Variants in INPP4B observed in about 807,000 individuals in gnomAD.
The protein encoded by INPP4B is inositol polyphosphate-4-phosphatase type II B, also known as inositol polyphosphate 4-phosphatase type II.
A neutral mutation model predicts 122.5 loss-of-function variants in INPP4B; 55 were observed. The observed-to-expected ratio is 0.45, with a 90% CI of 0.36 to 0.56. The LOEUF (loss-of-function observed/expected upper bound fraction) is 0.56, where lower values mean the gene tolerates loss of function less well. Among genes scored for constraint, INPP4B ranks in the 20% least tolerant of loss-of-function variants. The pLI, the probability that INPP4B is intolerant of heterozygous loss-of-function variation, is 0.00. For missense variants in INPP4B, 1,000 were observed against 1,097.7 expected (o/e 0.91, Z 1.26); for synonymous variants, 403 against 388.7 (o/e 1.04, Z -0.43).
intron 2 of INPP4B, among the ~76,000 whole-genome samples, chr4:142,468,244 T>C (rs985744547): frequency 2.0e-5 from 3 of 152,180 alleles, no homozygotes; most frequent in Non-Finnish European, 4.4e-5. Context: ...ACTATTTGTC[T>C]TTTCCATCTT....
intron 21 of INPP4B, among the ~76,000 whole-genome samples, chr4:142,119,873 T>C (rs1378875315): frequency 3.4e-5 from 5 of 149,112 alleles, no homozygotes; most frequent in African/African-American, 7.5e-5. Context: ...TATATATATA[T>C]ACATATATAC....
In INPP4B at chr4:142,024,556, C is replaced by T. The variant is rs1255579165; in HGVS notation, c.*4226G>A. Reference sequence around the variant, plus strand: ...TTTCCTAAAAGACTACAAATGGTGCCTCATATATTGAACCAAACAAATGAT... The same window carrying T: ...TTTCCTAAAAGACTACAAATGGTGCTTCATATATTGAACCAAACAAATGAT... On this transcript the variant is annotated 3_prime_UTR_variant, in exon 26 of 26. Coordinates refer to ENST00000262992, the MANE Select transcript of INPP4B (RefSeq NM_001101669.3). 2.0e-5 allele frequency: 3 copies of T among 152,024 alleles called. No individual in the cohort carries two copies. Among genetic ancestry groups the T allele is most frequent in the Non-Finnish European group, 4.4e-5 (3 of 67,990 alleles). 9.4% of individuals were successfully genotyped at this position (152,024 alleles called of 1,614,324 possible).
At chr4:142,737,853 A>C (rs1297682982) in intron 1 of INPP4B, among the ~76,000 whole-genome samples, 2 of 152,204 alleles carry the variant, frequency 1.3e-5, no homozygotes. Context: ...AAAACACATG[A>C]AAAAATGCTC....
chr4:142,250,110 T>C (rs1357642174), intron 11 of INPP4B, among the ~76,000 whole-genome samples: 1 of 152,216 alleles, frequency 6.6e-6, no homozygotes, highest in Non-Finnish European at 1.5e-5. Context: ...TATTTCCATG[T>C]AATTAAGGTA....
chr4:142,538,872 G>A (rs531420978), intron 2 of INPP4B, among the ~76,000 whole-genome samples: 24 of 151,290 alleles, frequency 1.6e-4, no homozygotes, highest in African/African-American at 4.6e-4. Context: ...TTGCCAATGC[G>A]GTAAAAAAGA....
intron 2 of INPP4B, among the ~76,000 whole-genome samples, chr4:142,466,631 A>T (rs1238374077): frequency 6.6e-6 from 1 of 152,214 alleles, no homozygotes; most frequent in Non-Finnish European, 1.5e-5. Flanking sequence ...CTGCAGAGCA[A>T]CTACTTGCTA....
At chr4:142,061,881 CACACATATATAT>C (rs1180195423) in intron 25 of INPP4B, among the ~76,000 whole-genome samples, 2 of 8,100 alleles carry the variant, frequency 2.5e-4, no homozygotes, top group African/African-American at 4.3e-4. Flanking sequence ...CACACACACA[CACACATATATAT>C]ATATATATAT....
intron 2 of INPP4B, among the ~76,000 whole-genome samples, chr4:142,626,717 T>G (rs1746500823): frequency 6.6e-6 from 1 of 151,924 alleles, no homozygotes; most frequent in Admixed American, 6.6e-5. Context: ...TGTAAGAATT[T>G]GCTACCCAAT....
intron 23 of INPP4B, among the ~76,000 whole-genome samples, chr4:142,101,905 T>C (rs1421767759): frequency 3.3e-5 from 5 of 152,094 alleles, no homozygotes; most frequent in African/African-American, 1.2e-4. Context: ...ACATATTCAA[T>C]GGCTATTTGG....
At chr4:142,286,126 G>A (rs1283869415) in intron 9 of INPP4B, among the ~76,000 whole-genome samples, 1 of 152,136 alleles carries the variant, frequency 6.6e-6, no homozygotes, top group South Asian at 2.1e-4. Context: ...TCAGCTACGT[G>A]GAAACAGTAT....
intron 7 of INPP4B, among the ~76,000 whole-genome samples, chr4:142,379,895 C>T (rs986560234): frequency 6.6e-6 from 1 of 152,198 alleles, no homozygotes; most frequent in Non-Finnish European, 1.5e-5. Flanking sequence ...GCCAGGAATG[C>T]TACTGTGTAG....
rs139981034 is a variant in INPP4B at position 142,472,426 on chromosome 4, A to C, written c.-190-9700T>G. On this transcript the variant is annotated intron_variant, in intron 2 of 25. Transcript: ENST00000262992. ...TGTCATTGTCAGTGATACCGAACCC[A>C]GTAAGTACTATCTCTGGAAGAAAAG... is the stretch of plus-strand genomic sequence containing the variant. Among the ~76,000 whole-genome samples the C allele has an allele frequency of 7.4e-3, 1,126 of 152,230 alleles. 9 individuals carry two copies. The highest frequency in any genetic ancestry group is 0.011 in the Non-Finnish European group (730 of 68,002).
intron 2 of INPP4B, among the ~76,000 whole-genome samples, chr4:142,642,651 T>C (rs1487997481): frequency 6.6e-6 from 1 of 152,344 alleles, no homozygotes; most frequent in Admixed American, 6.5e-5. Flanking sequence ...ACCAGTACCA[T>C]GCTGTTTTGG....
intron 1 of INPP4B, among the ~76,000 whole-genome samples, chr4:142,817,871 A>C (rs182735861): frequency 6.6e-6 from 1 of 152,316 alleles, no homozygotes; most frequent in East Asian, 1.9e-4. Context: ...GGAAACCAAA[A>C]TAACAATAAA....
At chr4:142,499,816 TA>T (rs1823126376) in intron 2 of INPP4B, among the ~76,000 whole-genome samples, 1 of 152,244 alleles carries the variant, frequency 6.6e-6, no homozygotes, top group Admixed American at 6.5e-5. Flanking sequence ...AGAAATTATT[TA>T]AAACCTCTTA....
intron 16 of INPP4B, 146 bp downstream of exon 16, chr4:142,173,486 T>C (rs1579166293): frequency 1.6e-6 from 1 of 629,904 alleles, no homozygotes; most frequent in East Asian, 2.9e-5. Context: ...TTCATTTTGA[T>C]CCTGTGGCAA....
chr4:142,834,466 C>A (rs948898970), intron 1 of INPP4B, among the ~76,000 whole-genome samples: 1 of 152,140 alleles, frequency 6.6e-6, no homozygotes, highest in African/African-American at 2.4e-5. Flanking sequence ...CTGGTGCTGG[C>A]ACTGAAACTC....
chr4:142,560,652 C>T (rs1310764443), intron 2 of INPP4B: 1 of 152,222 alleles, frequency 6.6e-6, no homozygotes, highest in African/African-American at 2.4e-5. Context: ...TTCTGATGTT[C>T]GAGGGCAGGA....
chr4:142,497,357 C>A (rs1822719971), intron 2 of INPP4B, among the ~76,000 whole-genome samples: 1 of 152,072 alleles, frequency 6.6e-6, no homozygotes, highest in East Asian at 1.9e-4. Flanking sequence ...TCATTAAAAC[C>A]AATTTTTAGT....
Sources: allele counts gnomAD v4.1 joint callset (sites outside exome capture counted in the v4.1 genomes callset), GRCh38; gene constraint gnomAD v4.1.1; transcripts MANE v1.5; gene names NCBI Gene and HGNC (gene_info 2026-07-23, HGNC 2026-07-21).